The following ANKRD17 variants were observed in gnomAD, a reference collection of about 807,000 sequenced individuals.
The protein encoded by ANKRD17 is ankyrin repeat domain-containing protein 17.
In ANKRD17, 19 loss-of-function variants were observed where a neutral mutation model predicts 229.7. That is an observed-to-expected ratio of 0.08 (90% CI 0.06 to 0.12). ANKRD17 has a LOEUF of 0.12. Among genes scored for constraint, ANKRD17 ranks in the 10% least tolerant of loss-of-function variants. ANKRD17 has a pLI of 1.00. For synonymous variants in ANKRD17, 1,112 were observed against 1,146.1 expected, an observed-to-expected ratio of 0.97 and a Z score of 0.60; for missense variants, 2,176 against 3,176.8, an observed-to-expected ratio of 0.68 and a Z score of 7.57.
intron 14 of ANKRD17, among the ~76,000 whole-genome samples, chr4:73,141,416 T>A (rs1192222413): frequency 2.0e-5 from 3 of 152,188 alleles, no homozygotes; most frequent in African/African-American, 7.2e-5. Flanking sequence ...CTGCAGAGAT[T>A]TAGGTAAGTA....
At position 73,258,711 on chromosome 4, in the gene ANKRD17, G is replaced by A. The variant is rs534384983; in HGVS notation, c.-43C>T. The stretch of plus-strand genomic sequence containing the variant: ...GGGCGCGGACGGGGGAGGGGCGTGG[G>A]GCTACGCTCTACCGCGACTTCGGCC... On this transcript the variant is annotated 5_prime_UTR_variant, in exon 1 of 34. Transcript: ENST00000358602. The A allele has an allele frequency of 2.4e-4, 333 of 1,407,930 alleles. No individual in the cohort carries two copies. In the African/African-American group the frequency reaches 4.5e-3, roughly 19 times the overall value. The allele number at this position is 1,407,930 out of a possible 1,614,324, so 87.2% of individuals were successfully genotyped here.
intron 2 of ANKRD17, among the ~76,000 whole-genome samples, chr4:73,171,173 A>AGG (rs765362233): frequency 2.6e-4 from 17 of 64,286 alleles, no homozygotes; most frequent in East Asian, 8.4e-4. Context: ...CATGGCTCAG[A>AGG]GGGGGGAGAG....
chr4:73,148,564 C>T (rs1730593330), intron 8 of ANKRD17, among the ~76,000 whole-genome samples: 1 of 152,110 alleles, frequency 6.6e-6, no homozygotes, highest in South Asian at 2.1e-4. Flanking sequence ...CAAGCCTTGC[C>T]AACACCAGTT....
chr4:73,187,519 C>G (rs1013184629), intron 1 of ANKRD17, among the ~76,000 whole-genome samples: 2 of 152,122 alleles, frequency 1.3e-5, no homozygotes, highest in Admixed American at 1.3e-4. Flanking sequence ...CCATAAATGA[C>G]TTTGTAACTT....
intron 1 of ANKRD17, among the ~76,000 whole-genome samples, chr4:73,253,693 T>G (rs1745219700): frequency 6.6e-6 from 1 of 152,220 alleles, no homozygotes; most frequent in Non-Finnish European, 1.5e-5. Context: ...TCATTTTTAT[T>G]TACTCTTTAA....
intron 14 of ANKRD17, 131 bp downstream of exon 14, chr4:73,141,610 T>G: frequency 1.3e-6 from 1 of 797,310 alleles, no homozygotes; most frequent in Non-Finnish European, 2.0e-6. Context: ...AATAACATGC[T>G]TTTATCATGG....
rs765147545 is a variant in ANKRD17, at chr4:73,139,714, G to A, written c.2902C>T (p.Pro968Ser). The A allele has an allele frequency of 6.2e-6, 10 of 1,614,054 alleles. No individual in the cohort carries two copies. The highest frequency in any genetic ancestry group is 2.7e-5 in the African/African-American group (2 of 74,918). ...MPQALPLAAG[P>S]LPPGSIANLT... ...TTTGCGATGGACCCTGGAGGCAAGG[G>A]ACCTGCCGCCAGAGGCAAAGCTTGA... Residue 968 changes from proline (P) to serine (S), a missense_variant, in exon 15 of 34, where the codon CCC (proline) becomes TCC (serine). By Grantham distance (74) the Pro-to-Ser change is moderately conservative. This residue lies in a region of ANKRD17 where 230 missense variants were observed against 252.3 expected (regional missense o/e 0.91). Transcript: ENST00000358602.
In ANKRD17 at chr4:73,181,376, A is replaced by C. The variant is rs190776550; in HGVS notation, c.394-3843T>G. Among the ~76,000 whole-genome samples, 11 of 152,300 alleles carry C rather than the reference A, an allele frequency of 7.2e-5. No individual in the cohort carries two copies. In the East Asian group the frequency reaches 2.1e-3, roughly 29 times the overall value. On this transcript the variant is annotated intron_variant, in intron 1 of 33. Coordinates refer to ENST00000358602, the MANE Select transcript of ANKRD17 (RefSeq NM_032217.5). ...AACCATAATACAGGATAGAAAGTGC[A>C]TAAGGTAATGAGAAAGAAAAAGAGG...
At chr4:73,257,099 G>T (rs879323504) in intron 1 of ANKRD17, among the ~76,000 whole-genome samples, 1 of 152,196 alleles carries the variant, frequency 6.6e-6, no homozygotes, top group Non-Finnish European at 1.5e-5. Flanking sequence ...GGTACTTTTA[G>T]ATGAATCACT....
intron 1 of ANKRD17, among the ~76,000 whole-genome samples, chr4:73,233,084 G>C (rs1007358103): frequency 2.0e-5 from 3 of 152,054 alleles, no homozygotes; most frequent in Non-Finnish European, 2.9e-5. Flanking sequence ...GAAATTCAAA[G>C]GCTACAAAGG....
chr4:73,140,201 C>T lies in ANKRD17; in HGVS notation c.2415G>A (p.Glu805=). The stretch of plus-strand genomic sequence containing the variant: ...TTCCCTGAGCCTCTTCTACAATGCT[C>T]TCTGGAGACTGATTGGTGATGTAAC... ...VQGYITNQSP[E]SIVEEAQGKL... The change falls in exon 15 of 34, where the codon GAG becomes GAA. Residue 805 remains glutamate, a synonymous_variant. Coordinates refer to ENST00000358602, the MANE Select transcript of ANKRD17 (RefSeq NM_032217.5). 2 of 1,613,908 alleles carry T rather than the reference C, an allele frequency of 1.2e-6. No individual in the cohort carries two copies. Among genetic ancestry groups the T allele is most frequent in the Non-Finnish European group, 8.5e-7 (1 of 1,180,002 alleles).
chr4:73,075,646 CATT>C lies in ANKRD17; in HGVS notation c.*582_*584del, dbSNP rs1465599432. 6.6e-6 allele frequency: 1 copy of C among 152,472 alleles called. No individual in the cohort carries two copies. The highest frequency in any genetic ancestry group is 1.5e-5 in the Non-Finnish European group (1 of 68,000). The allele number at this position is 152,472 out of a possible 1,614,324, so 9.4% of individuals were successfully genotyped here. A position where few individuals can be genotyped will look rare whatever the true frequency, so the allele number is the denominator to read the frequency against. On this transcript the variant is annotated 3_prime_UTR_variant, in exon 34 of 34. Coordinates refer to ENST00000358602, the MANE Select transcript of ANKRD17 (RefSeq NM_032217.5). ...TGGGGAAACATCCAATGATAATGCC[CATT>C]ATTTTACTTTATACTTAAATTACAC...
At position 73,098,337 on chromosome 4, in the gene ANKRD17, T is replaced by C. The variant is rs1030226735; in HGVS notation, c.4757A>G (p.Asp1586Gly). Residue 1586 changes from aspartate (D) to glycine (G), a missense_variant, in exon 26 of 34, where the codon GAT becomes GGT. Physicochemically the swap from Asp to Gly is moderately conservative, Grantham distance 94 (BLOSUM62 -1). Coordinates refer to ENST00000358602, the MANE Select transcript of ANKRD17 (RefSeq NM_032217.5). Reference protein sequence around the residue: ...ITPENVQIIFDDPLPISYSQP... With the variant: ...ITPENVQIIFGDPLPISYSQP... ...ACTGTATGAAATTGGTAGTGGATCATCAAATATAATTTGAACGTTTTCTGG... is the reference window on the plus strand; with the variant it reads ...ACTGTATGAAATTGGTAGTGGATCACCAAATATAATTTGAACGTTTTCTGG... The C allele has an allele frequency of 6.8e-6, 11 of 1,614,138 alleles. No individual in the cohort carries two copies. The highest frequency in any genetic ancestry group is 5.9e-6 in the Non-Finnish European group (7 of 1,180,054).
chr4:73,118,594 A>G, intron 22 of ANKRD17, 94 bp downstream of exon 22: 1 of 1,413,604 alleles, frequency 7.1e-7, no homozygotes, highest in Non-Finnish European at 9.7e-7. Flanking sequence ...CACAGCTGCA[A>G]AAGCACAAAA....
Position 73,153,868 on chromosome 4 carries a change from T to C in ANKRD17, c.1234+12A>G, listed in dbSNP as rs755130632. On this transcript the variant is annotated intron_variant, in intron 6 of 33. Coordinates refer to ENST00000358602, the MANE Select transcript of ANKRD17 (RefSeq NM_032217.5). ...TTTAAAAACTTTGTTTTAAGAAAGG[T>C]TTATACTGTACCTTTGTAACAAGCT... 2.6e-5 allele frequency: 39 copies of C among 1,525,990 alleles called. No individual in the cohort carries two copies. Among genetic ancestry groups the C allele is most frequent in the Non-Finnish European group, 3.3e-5 (37 of 1,137,900 alleles). The allele number at this position is 1,525,990 out of a possible 1,614,324, so 94.5% of individuals were successfully genotyped here.
chr4:73,090,664 C>T lies in ANKRD17; in HGVS notation c.6961+3G>A. 1 of 1,614,138 alleles carries T rather than the reference C, an allele frequency of 6.2e-7. No individual in the cohort carries two copies. Among genetic ancestry groups the T allele is most frequent in the South Asian group, 1.1e-5 (1 of 91,078 alleles). On this transcript the variant is annotated splice_donor_region_variant and intron_variant, in intron 29 of 33. Transcript: ENST00000358602. Reference sequence around the variant, plus strand: ...TGCAGAATCTCAGAAAATATAAACTCACCTGAGGGACTTGGAGCAGGTCTC... The same window carrying T: ...TGCAGAATCTCAGAAAATATAAACTTACCTGAGGGACTTGGAGCAGGTCTC...
intron 1 of ANKRD17, among the ~76,000 whole-genome samples, chr4:73,196,698 A>G (rs1392063778): frequency 2.0e-5 from 3 of 152,196 alleles, no homozygotes; most frequent in Non-Finnish European, 4.4e-5. Context: ...CCATTCAGCA[A>G]CTATTTTATT....
intron 18 of ANKRD17, among the ~76,000 whole-genome samples, chr4:73,124,290 A>G (rs1354021358): frequency 6.0e-5 from 9 of 150,052 alleles, no homozygotes; most frequent in Non-Finnish European, 1.5e-5. Flanking sequence ...CTGAATTTGA[A>G]AAAAAAAAAA....
intron 15 of ANKRD17, among the ~76,000 whole-genome samples, chr4:73,136,894 A>T (rs1448499240): frequency 6.6e-6 from 1 of 152,006 alleles, no homozygotes; most frequent in Non-Finnish European, 1.5e-5. Context: ...GTTAAAAAAA[A>T]TCTAAGTTTT....
Sources: gnomAD v4.1 joint callset for allele counts (sites outside exome capture counted in the v4.1 genomes callset) on GRCh38, gnomAD v4.1.1 for gene constraint, gnomAD v4.1.1 regional missense constraint, MANE v1.5 for transcripts, NCBI Gene and HGNC (gene_info 2026-07-23, HGNC 2026-07-21) for gene names.